CSMD2: variants seen among roughly 807,000 people sequenced by gnomAD.
CSMD2 encodes the protein CUB and Sushi multiple domains 2, also known as CUB and sushi domain-containing protein 2.
A neutral mutation model predicts 398.5 loss-of-function variants in CSMD2; 130 were observed. The observed-to-expected ratio is 0.33, with a 90% CI of 0.28 to 0.38. CSMD2 has a LOEUF of 0.38. Among genes scored for constraint, CSMD2 ranks in the 10% least tolerant of loss-of-function variants. CSMD2 has a pLI of 1.00. For synonymous variants in CSMD2, 1,828 were observed against 1,908.5 expected, an observed-to-expected ratio of 0.96 and a Z score of 1.10; for missense variants, 3,829 against 4,764.9, an observed-to-expected ratio of 0.80 and a Z score of 5.78.
At chr1:33,773,459 G>A (rs1651552070) in intron 12 of CSMD2, among the ~76,000 whole-genome samples, 1 of 152,214 alleles carries the variant, frequency 6.6e-6, no homozygotes, top group South Asian at 2.1e-4. Flanking sequence ...CATGGAGTGG[G>A]TTCCCTGAGA....
At chr1:33,932,599 C>T (rs1470169309) in intron 4 of CSMD2, among the ~76,000 whole-genome samples, 3 of 152,124 alleles carry the variant, frequency 2.0e-5, no homozygotes, top group Non-Finnish European at 2.9e-5. Context: ...CCTTGCTGCC[C>T]GCTGTGCCTG....
intron 15 of CSMD2, among the ~76,000 whole-genome samples, chr1:33,734,791 AAAAAAGAAAAAAG>A (rs975707699): frequency 4.6e-5 from 7 of 152,024 alleles, no homozygotes; most frequent in Admixed American, 6.6e-5. Context: ...TCTCAAAAAA[AAAAAAGAAAAAAG>A]AAAAAGAAAA....
chr1:33,624,453 C>A lies in CSMD2; in HGVS notation c.5625+66G>T. On this transcript the variant is annotated intron_variant, in intron 35 of 70. Transcript: ENST00000373381. This position sits in a 1 kb window ranked among gnomAD's most constrained non-coding sequence, Gnocchi z 4.7. ...GGCACCAGCCAGCACCTGTGGTTGT[C>A]ACCTGTGAGCTGTTACCTGGGAGCA... is the stretch of plus-strand genomic sequence containing the variant. 6.3e-7 allele frequency: 1 copy of A among 1,583,694 alleles called. No individual in the cohort carries two copies. Among genetic ancestry groups the A allele is most frequent in the South Asian group, 1.1e-5 (1 of 87,296 alleles).
intron 50 of CSMD2, 93 bp downstream of exon 50, chr1:33,572,413 C>A (rs2148697698): frequency 2.7e-6 from 3 of 1,091,420 alleles, no homozygotes; most frequent in East Asian, 2.6e-5. Flanking sequence ...TTTTCCCCCT[C>A]ATTACTTTGC....
Position 33,792,483 on chromosome 1 carries a change from T to C in CSMD2, c.1490A>G (p.Tyr497Cys). The C allele has an allele frequency of 1.9e-6, 3 of 1,614,058 alleles. No homozygotes were observed. The highest frequency in any genetic ancestry group is 1.1e-5 in the South Asian group (1 of 91,066). Residue 497 changes from tyrosine (Y) to cysteine (C), a missense_variant, in exon 11 of 71, where the codon TAT (tyrosine) becomes TGT (cysteine). Coordinates refer to ENST00000373381, the MANE Select transcript of CSMD2 (RefSeq NM_001281956.2). Reference sequence around the variant, plus strand: ...ACCATCACCGACCGTCAGGGTGTCATAGCCCCTCTCCAAATCAAACTCCTC... The same window carrying C: ...ACCATCACCGACCGTCAGGGTGTCACAGCCCCTCTCCAAATCAAACTCCTC... ...AFEEFDLERG[Y>C]DTLTVGDGGQ... is the part of the protein sequence containing the mutation.
At chr1:33,968,134 T>A (rs764126614) in intron 3 of CSMD2, among the ~76,000 whole-genome samples, 4 of 152,192 alleles carry the variant, frequency 2.6e-5, no homozygotes, top group African/African-American at 9.6e-5. Context: ...CCTGTCATAG[T>A]CCCACACTTC....
chr1:33,690,795 C>T (rs753179750), intron 25 of CSMD2, among the ~76,000 whole-genome samples: 1 of 152,106 alleles, frequency 6.6e-6, no homozygotes, highest in Non-Finnish European at 1.5e-5. Flanking sequence ...CTTGTTGAGC[C>T]GGGGGCACTG....
At chr1:33,700,101 C>T (rs181367664) in intron 23 of CSMD2, among the ~76,000 whole-genome samples, 28 of 152,098 alleles carry the variant, frequency 1.8e-4, no homozygotes, top group East Asian at 1.7e-3. Flanking sequence ...CTCTGCCTTC[C>T]GGGTTCAAGC....
rs901831902 is a variant in CSMD2, at chr1:33,516,517, A to T, written c.*107T>A. On this transcript the variant is annotated 3_prime_UTR_variant, in exon 71 of 71. Coordinates refer to ENST00000373381, the MANE Select transcript of CSMD2 (RefSeq NM_001281956.2). ...CAGACACAGGCAAGGAGACGAACGA[A>T]GATGGGCACTGGGCACTGTGCTCAG... 1 of 152,496 alleles carries T rather than the reference A, an allele frequency of 6.6e-6. No individual in the cohort carries two copies. Among genetic ancestry groups the T allele is most frequent in the Non-Finnish European group, 1.5e-5 (1 of 68,226 alleles). The allele number at this position is 152,496 out of a possible 1,614,324, so 9.4% of individuals were successfully genotyped here.
intron 1 of CSMD2, among the ~76,000 whole-genome samples, chr1:34,101,788 C>T (rs916551272): frequency 6.6e-6 from 1 of 151,716 alleles, no homozygotes; most frequent in Non-Finnish European, 1.5e-5. Flanking sequence ...CTTTATGCAT[C>T]GCATGTGCTA....
rs117516520 is a variant in CSMD2 at position 34,104,741 on chromosome 1, C to G, written c.188-15548G>C. Among the ~76,000 whole-genome samples, 66 of 152,322 alleles carry G rather than the reference C, an allele frequency of 4.3e-4. No homozygotes were observed. In the East Asian group the frequency reaches 0.013, roughly 29 times the overall value. ...CACTATGCATGCCTTCTGGCAGGGG[C>G]ACCTTGTCCGCTGATGAGAGAGGCA... is the stretch of plus-strand genomic sequence containing the variant. On this transcript the variant is annotated intron_variant, in intron 1 of 70. Coordinates refer to ENST00000373381, the MANE Select transcript of CSMD2 (RefSeq NM_001281956.2).
At position 33,600,885 on chromosome 1, in the gene CSMD2, A is replaced by G; in HGVS notation, c.6836T>C (p.Ile2279Thr). The change falls in exon 44 of 71, where the codon ATC (isoleucine) becomes ACC (threonine). Residue 2279 changes from isoleucine to threonine, a missense_variant. By Grantham distance (89) the Ile-to-Thr change is moderately conservative. Transcript: ENST00000373381. ...CTGACCGGAGAAAGCTATGGCGAAG[A>G]TCCCCCCTGTGGCTGCATCACGGTG... ...KFHRDAATGG[I>T]FAIAFSAYPL... The G allele has an allele frequency of 6.2e-7, 1 of 1,613,990 alleles. No individual in the cohort carries two copies. The highest frequency in any genetic ancestry group is 1.1e-5 in the South Asian group (1 of 91,058).
At chr1:34,075,380 T>TG (rs1463440805) in intron 2 of CSMD2, among the ~76,000 whole-genome samples, 10 of 152,230 alleles carry the variant, frequency 6.6e-5, no homozygotes, top group Admixed American at 6.5e-5. Context: ...ACAGGTCCTT[T>TG]GGGGGCCTCT....
intron 54 of CSMD2, 40 bp from the exon 55 acceptor site, chr1:33,557,962 G>A (rs902177043): frequency 6.6e-7 from 1 of 1,505,894 alleles, no homozygotes; most frequent in Non-Finnish European, 8.9e-7. Flanking sequence ...TGGATTCCCA[G>A]TATAGTAAAA....
chr1:33,829,825 G>A (rs949452149), intron 6 of CSMD2, among the ~76,000 whole-genome samples: 70 of 136,370 alleles, frequency 5.1e-4, no homozygotes, highest in Non-Finnish European at 7.9e-4. Context: ...CTTTTCCAAC[G>A]GGCTTAGGAA....
intron 5 of CSMD2, among the ~76,000 whole-genome samples, chr1:33,851,259 C>A (rs1638688873): frequency 6.6e-6 from 1 of 152,164 alleles, no homozygotes; most frequent in Non-Finnish European, 1.5e-5. Flanking sequence ...GATTCAGCTG[C>A]AATGCCTTCT....
chr1:33,541,443 G>A lies in CSMD2; in HGVS notation c.9278-134C>T, dbSNP rs949043270. 45 of 694,374 alleles carry A rather than the reference G, an allele frequency of 6.5e-5. No homozygotes were observed. In the Middle Eastern group the frequency reaches 1.1e-3, roughly 17 times the overall value. 43.0% of individuals were successfully genotyped at this position (694,374 alleles called of 1,614,324 possible). A position where few individuals can be genotyped will look rare whatever the true frequency, so the allele number is the denominator to read the frequency against. ...TCAGGGATGCCCTGTCTCCTCACAGGATCCCAGTTGGACATTACCCATTCT... is the reference window on the plus strand; with the variant it reads ...TCAGGGATGCCCTGTCTCCTCACAGAATCCCAGTTGGACATTACCCATTCT... On this transcript the variant is annotated intron_variant, in intron 58 of 70. Transcript: ENST00000373381.
intron 12 of CSMD2, among the ~76,000 whole-genome samples, chr1:33,774,768 G>A (rs1218903448): frequency 2.0e-5 from 3 of 152,128 alleles, no homozygotes; most frequent in African/African-American, 7.2e-5. Flanking sequence ...GGATCCTAAG[G>A]GGGATGAAGG....
At chr1:33,549,614 A>G (rs1657238415) in intron 56 of CSMD2, among the ~76,000 whole-genome samples, 1 of 152,194 alleles carries the variant, frequency 6.6e-6, no homozygotes, top group African/African-American at 2.4e-5. Flanking sequence ...TTAACAGGAA[A>G]AGTCTGGGGA....
Sources: gnomAD v4.1 joint callset for allele counts (sites outside exome capture counted in the v4.1 genomes callset) on GRCh38, gnomAD v4.1.1 for gene constraint, Gnocchi (gnomAD v3.1) non-coding constraint, MANE v1.5 for transcripts, NCBI Gene and HGNC (gene_info 2026-07-23, HGNC 2026-07-21) for gene names.